Variants in AFG1L observed in about 807,000 individuals in gnomAD.
The protein encoded by AFG1L is AFG1 like ATPase.
Under a neutral mutation model 62.2 loss-of-function variants are expected in AFG1L, and 53 were observed. The observed-to-expected ratio is 0.85, with a 90% CI of 0.68 to 1.07. The LOEUF (loss-of-function observed/expected upper bound fraction) is 1.07, where lower values mean the gene tolerates loss of function less well. Ranked by LOEUF, AFG1L falls within the 50% of genes least tolerant of loss-of-function variation. The probability of loss-of-function intolerance (pLI) is 0.00; values close to 1 mark genes in which losing one functional copy is unlikely to be tolerated. For synonymous variants in AFG1L, 228 were observed against 210.3 expected (o/e 1.08, Z -0.73); for missense variants, 555 against 590.5 (o/e 0.94, Z 0.62).
chr6:108,511,214 A>G (rs920826468), intron 11 of AFG1L, among the ~76,000 whole-genome samples: 1 of 152,188 alleles, frequency 6.6e-6, no homozygotes, highest in South Asian at 2.1e-4. Flanking sequence ...GAGAAGGAGA[A>G]GAAAACAAAT....
In AFG1L at chr6:108,366,154, A is replaced by G. The variant is rs1404099836; in HGVS notation, c.649-79A>G. On this transcript the variant is annotated intron_variant, in intron 5 of 12. Transcript: ENST00000368977. ...TTCTCTTGGAATTTACTTCCATCTT[A>G]AAAAAAAAGATGATCCACTAGCAAA... The G allele has an allele frequency of 5.9e-6, 4 of 678,896 alleles. No individual in the cohort carries two copies. In the African/African-American group the frequency reaches 7.2e-5, roughly 12 times the overall value. 42.1% of individuals were successfully genotyped at this position (678,896 alleles called of 1,614,324 possible). A position where few individuals can be genotyped will look rare whatever the true frequency, so the allele number is the denominator to read the frequency against.
At chr6:108,461,569 C>T (rs1022910285) in intron 8 of AFG1L, among the ~76,000 whole-genome samples, 4 of 152,110 alleles carry the variant, frequency 2.6e-5, no homozygotes, top group African/African-American at 9.7e-5. Flanking sequence ...CATTTTCCCG[C>T]CTCAGCCTAT....
At chr6:108,478,434 C>A (rs1582642890) in intron 10 of AFG1L, among the ~76,000 whole-genome samples, 1 of 152,196 alleles carries the variant, frequency 6.6e-6, no homozygotes, top group East Asian at 1.9e-4. Flanking sequence ...GAGACTCCGT[C>A]TCGAAAAAGC....
chr6:108,365,614 AG>A (rs1420620297), intron 5 of AFG1L, among the ~76,000 whole-genome samples: 1 of 151,972 alleles, frequency 6.6e-6, no homozygotes, highest in Non-Finnish European at 1.5e-5. Flanking sequence ...GCACTTAAAA[AG>A]AACAATGAAA....
At chr6:108,350,908 A>G (rs1353532499) in intron 3 of AFG1L, among the ~76,000 whole-genome samples, 1 of 152,176 alleles carries the variant, frequency 6.6e-6, no homozygotes, top group Non-Finnish European at 1.5e-5. Context: ...GGATGTAGGG[A>G]TACATGTGCC....
intron 10 of AFG1L, among the ~76,000 whole-genome samples, chr6:108,489,262 A>C (rs1347887961): frequency 6.6e-6 from 1 of 152,210 alleles, no homozygotes; most frequent in Non-Finnish European, 1.5e-5. Flanking sequence ...GAAAGGAGAG[A>C]ACCACAGAGG....
At chr6:108,401,507 G>T (rs1370671607) in intron 6 of AFG1L, among the ~76,000 whole-genome samples, 2 of 152,100 alleles carry the variant, frequency 1.3e-5, no homozygotes, top group Non-Finnish European at 2.9e-5. Context: ...TGGCCAGGCT[G>T]ATCTCGAACT....
intron 11 of AFG1L, among the ~76,000 whole-genome samples, chr6:108,513,609 G>A (rs1050210408): frequency 6.6e-6 from 1 of 152,158 alleles, no homozygotes; most frequent in African/African-American, 2.4e-5. Context: ...TAAACAAAGC[G>A]GCTGGGAAGC....
intron 8 of AFG1L, 124 bp from the exon 9 acceptor site, chr6:108,476,741 G>T (rs1200831371): frequency 4.4e-5 from 29 of 666,534 alleles, no homozygotes; most frequent in East Asian, 7.9e-5. Context: ...TCTAATGTTT[G>T]TATTTAGAGC....
intron 2 of AFG1L, among the ~76,000 whole-genome samples, chr6:108,346,316 A>G (rs1357129233): frequency 1.3e-5 from 2 of 152,078 alleles, no homozygotes; most frequent in African/African-American, 4.8e-5. Flanking sequence ...CCATTAAACA[A>G]TAATTCCCCA....
chr6:108,372,218 T>C (rs987551628), intron 6 of AFG1L, among the ~76,000 whole-genome samples: 1 of 151,984 alleles, frequency 6.6e-6, no homozygotes, highest in African/African-American at 2.4e-5. Flanking sequence ...ATTTTCTTTA[T>C]TTTTTAAATT....
At chr6:108,456,294 T>C (rs1772249871) in intron 8 of AFG1L, among the ~76,000 whole-genome samples, 1 of 152,154 alleles carries the variant, frequency 6.6e-6, no homozygotes, top group Admixed American at 6.5e-5. Context: ...TCATCTTTTT[T>C]ACTTTCAGCC....
chr6:108,455,385 G>T (rs888523254), intron 8 of AFG1L, among the ~76,000 whole-genome samples: 9 of 152,144 alleles, frequency 5.9e-5, no homozygotes, highest in African/African-American at 2.2e-4. Flanking sequence ...AGCCTTCTCT[G>T]TTTTTTTCTG....
chr6:108,393,254 A>C (rs1399577879), intron 6 of AFG1L, among the ~76,000 whole-genome samples: 2 of 152,138 alleles, frequency 1.3e-5, no homozygotes, highest in Non-Finnish European at 2.9e-5. Flanking sequence ...AGCTAATATT[A>C]AAAATTTTGT....
At chr6:108,341,638 T>C (rs929224035) in intron 2 of AFG1L, among the ~76,000 whole-genome samples, 4 of 152,052 alleles carry the variant, frequency 2.6e-5, no homozygotes, top group African/African-American at 9.7e-5. Context: ...GGTTCAACTC[T>C]AATACTCTTC....
intron 3 of AFG1L, 29 bp downstream of exon 3, chr6:108,347,068 G>A (rs1778890856): frequency 3.2e-6 from 5 of 1,579,832 alleles, no homozygotes; most frequent in Non-Finnish European, 4.3e-6. Flanking sequence ...GTTTTGGGTG[G>A]GCAAAACAGA....
At chr6:108,518,845 TG>T (rs1775007090) in intron 11 of AFG1L, among the ~76,000 whole-genome samples, 1 of 152,246 alleles carries the variant, frequency 6.6e-6, no homozygotes, top group African/African-American at 2.4e-5. Flanking sequence ...GGACACTCAC[TG>T]GCCTAATTAG....
At chr6:108,479,911 T>C (rs1562186749) in intron 10 of AFG1L, among the ~76,000 whole-genome samples, 1 of 152,162 alleles carries the variant, frequency 6.6e-6, no homozygotes, top group Non-Finnish European at 1.5e-5. Flanking sequence ...AAGGAGTAGA[T>C]TGGTTAACAG....
At chr6:108,371,943 A>C (rs1325940955) in intron 6 of AFG1L, among the ~76,000 whole-genome samples, 1 of 148,800 alleles carries the variant, frequency 6.7e-6, no homozygotes, top group East Asian at 2.1e-4. Context: ...TTTTTTGTAG[A>C]GTTAGGGTCT....
Sources: gnomAD v4.1 joint callset for allele counts (sites outside exome capture counted in the v4.1 genomes callset) on GRCh38, gnomAD v4.1.1 for gene constraint, MANE v1.5 for transcripts, NCBI Gene and HGNC (gene_info 2026-07-23, HGNC 2026-07-21) for gene names.